The following OSBPL1A variants were observed in gnomAD, a reference collection of about 807,000 sequenced individuals.
OSBPL1A encodes oxysterol binding protein like 1A.
OSBPL1A carries 80 observed loss-of-function variants against 137.1 expected under a neutral mutation model. The observed-to-expected ratio is 0.58, with a 90% CI of 0.49 to 0.70. The LOEUF (loss-of-function observed/expected upper bound fraction) is 0.70. OSBPL1A is among the 30% of genes least tolerant of loss of function. The pLI is 0.00. For missense variants in OSBPL1A, 970 were observed against 1,129.4 expected, an observed-to-expected ratio of 0.86 and a Z score of 2.02; for synonymous variants, 365 against 389.7, an observed-to-expected ratio of 0.94 and a Z score of 0.75.
At chr18:24,307,969 T>TA (rs55770938) in intron 13 of OSBPL1A, among the ~76,000 whole-genome samples, 41,903 of 151,838 alleles carry the variant, frequency 0.28, 6,902 homozygotes, top group African/African-American at 0.46. Flanking sequence ...TTTGTATTTT[T>TA]GAGGCAGGAT....
At chr18:24,210,957 A>G (rs926674443) in intron 17 of OSBPL1A, among the ~76,000 whole-genome samples, 1 of 1,370 alleles carries the variant, frequency 7.3e-4, no homozygotes. Flanking sequence ...AACCCAAATA[A>G]CTTTTTTTTT....
chr18:24,209,560 T>C (rs747380877), intron 17 of OSBPL1A, among the ~76,000 whole-genome samples: 2 of 152,226 alleles, frequency 1.3e-5, no homozygotes, highest in Non-Finnish European at 2.9e-5. Flanking sequence ...GAAACATGTC[T>C]GCAGAATGGT....
intron 11 of OSBPL1A, among the ~76,000 whole-genome samples, chr18:24,315,781 A>T (rs866176460): frequency 2.6e-4 from 28 of 107,528 alleles, no homozygotes; most frequent in South Asian, 9.7e-4. Context: ...TATAATAAAA[A>T]ATATAATATA....
intron 4 of OSBPL1A, among the ~76,000 whole-genome samples, chr18:24,356,540 C>T (rs1568049752): frequency 6.6e-6 from 1 of 152,098 alleles, no homozygotes; most frequent in African/African-American, 2.4e-5. Context: ...GCTCACGGTG[C>T]GGGTGCTGGT....
At chr18:24,362,172 T>C (rs1311786713) in intron 4 of OSBPL1A, among the ~76,000 whole-genome samples, 2 of 151,994 alleles carry the variant, frequency 1.3e-5, no homozygotes, top group South Asian at 2.1e-4. Flanking sequence ...TTTGAATGGG[T>C]AGATCTGGGC....
chr18:24,348,089 C>G (rs2091376950), intron 4 of OSBPL1A, among the ~76,000 whole-genome samples: 1 of 152,038 alleles, frequency 6.6e-6, no homozygotes, highest in Non-Finnish European at 1.5e-5. Flanking sequence ...AAGTTTGAAT[C>G]CAATGCCCAT....
chr18:24,274,233 C>CAA (rs5823419), intron 15 of OSBPL1A, among the ~76,000 whole-genome samples: 10,185 of 110,240 alleles, frequency 0.092, 1,434 homozygotes, highest in African/African-American at 0.29. Flanking sequence ...GACTCCTTCA[C>CAA]AAAAAAAAAA....
intron 16 of OSBPL1A, among the ~76,000 whole-genome samples, chr18:24,237,093 A>C (rs1189558373): frequency 6.6e-6 from 1 of 152,186 alleles, no homozygotes; most frequent in African/African-American, 2.4e-5. Context: ...ACTTAAAAAA[A>C]AAATCTATAT....
chr18:24,354,007 T>C (rs988966289), intron 4 of OSBPL1A, among the ~76,000 whole-genome samples: 3 of 151,792 alleles, frequency 2.0e-5, no homozygotes, highest in African/African-American at 7.3e-5. Context: ...ACATGGCACA[T>C]GTATACATAT....
intron 16 of OSBPL1A, among the ~76,000 whole-genome samples, chr18:24,234,358 C>T (rs1263142285): frequency 2.6e-5 from 4 of 152,140 alleles, no homozygotes; most frequent in Non-Finnish European, 5.9e-5. Context: ...CCCACACACG[C>T]AATGAGGACA....
chr18:24,239,142 G>A (rs1473019330), intron 16 of OSBPL1A, 78 bp downstream of exon 16: 3 of 1,526,216 alleles, frequency 2.0e-6, no homozygotes, highest in African/African-American at 1.4e-5. Context: ...CTAAGGTGGT[G>A]GACTCAAGGG....
chr18:24,177,506 G>C (rs2086480227), intron 21 of OSBPL1A, among the ~76,000 whole-genome samples: 1 of 152,028 alleles, frequency 6.6e-6, no homozygotes, highest in African/African-American at 2.4e-5. Flanking sequence ...TTCTGTCCGG[G>C]GTATCTAGTT....
intron 15 of OSBPL1A, among the ~76,000 whole-genome samples, chr18:24,260,146 A>AT (rs906403007): frequency 5.9e-5 from 9 of 152,046 alleles, no homozygotes; most frequent in Non-Finnish European, 8.8e-5. Flanking sequence ...AATGGCTATA[A>AT]TTTTTTTTAA....
chr18:24,339,966 A>G (rs1277738430), intron 5 of OSBPL1A, among the ~76,000 whole-genome samples: 1 of 152,240 alleles, frequency 6.6e-6, no homozygotes, highest in Non-Finnish European at 1.5e-5. Context: ...TGGTTTTTAC[A>G]TAAATAAAAA....
At chr18:24,272,803 A>G (rs1238577095) in intron 15 of OSBPL1A, among the ~76,000 whole-genome samples, 1 of 152,212 alleles carries the variant, frequency 6.6e-6, no homozygotes, top group Non-Finnish European at 1.5e-5. Flanking sequence ...ACAGACCTAG[A>G]ATGTGTTAAA....
chr18:24,346,553 TAAATC>T (rs1477105371), intron 4 of OSBPL1A, among the ~76,000 whole-genome samples: 1 of 152,182 alleles, frequency 6.6e-6, no homozygotes, highest in Non-Finnish European at 1.5e-5. Context: ...TTTCTATAAA[TAAATC>T]AAACAATATG....
chr18:24,310,648 T>C (rs1228429864), intron 13 of OSBPL1A, among the ~76,000 whole-genome samples: 1 of 151,552 alleles, frequency 6.6e-6, no homozygotes, highest in Non-Finnish European at 1.5e-5. Context: ...GAAATATTTT[T>C]AATGGTATGT....
At chr18:24,223,732 A>G (rs1290753707) in intron 17 of OSBPL1A, among the ~76,000 whole-genome samples, 1 of 152,148 alleles carries the variant, frequency 6.6e-6, no homozygotes, top group Non-Finnish European at 1.5e-5. Context: ...GACAAGCAAT[A>G]AAGAAATCCC....
At chr18:24,354,998 T>C (rs1480819408) in intron 4 of OSBPL1A, among the ~76,000 whole-genome samples, 1 of 152,064 alleles carries the variant, frequency 6.6e-6, no homozygotes, top group Non-Finnish European at 1.5e-5. Flanking sequence ...CCAATCACTT[T>C]CCCCACACCA....
Sources: gnomAD v4.1 joint callset for allele counts (sites outside exome capture counted in the v4.1 genomes callset) on GRCh38, gnomAD v4.1.1 for gene constraint, MANE v1.5 for transcripts, NCBI Gene and HGNC (gene_info 2026-07-23, HGNC 2026-07-21) for gene names.